MPP4: variants seen among roughly 807,000 people sequenced by gnomAD.
MPP4 encodes MAGUK p55 scaffold protein 4, also known as MAGUK p55 subfamily member 4.
In MPP4, 91 loss-of-function variants were observed where a neutral mutation model predicts 98.3. The observed-to-expected ratio is 0.93, with a 90% CI of 0.78 to 1.10. The LOEUF is 1.10. Ranked by LOEUF, MPP4 falls within the 50% of genes least tolerant of loss-of-function variation. The pLI, the probability that MPP4 is intolerant of heterozygous loss-of-function variation, is 0.00. For missense variants in MPP4, 744 were observed against 792.9 expected (o/e 0.94, Z 0.74); for synonymous variants, 261 against 271.8 (o/e 0.96, Z 0.39).
chr2:201,672,437 C>CA (rs1051074890), intron 11 of MPP4, among the ~76,000 whole-genome samples: 3 of 151,814 alleles, frequency 2.0e-5, no homozygotes, highest in African/African-American at 7.3e-5. Flanking sequence ...AAAAAACCTT[C>CA]AAAAAAATCA....
intron 13 of MPP4, chr2:201,665,792 C>A (rs1434419967): frequency 6.6e-6 from 1 of 152,150 alleles, no homozygotes; most frequent in African/African-American, 2.4e-5. Flanking sequence ...CTAACAAAAT[C>A]CTAGTGATTC....
chr2:201,663,324 A>AT (rs1310935975), intron 14 of MPP4, among the ~76,000 whole-genome samples: 5 of 152,258 alleles, frequency 3.3e-5, no homozygotes, highest in Non-Finnish European at 7.3e-5. Flanking sequence ...CAATAAAAAA[A>AT]TGCTCCCAAA....
At position 201,645,213 on chromosome 2, in the gene MPP4, T is replaced by C. The variant is rs1574591888; in HGVS notation, c.1911A>G (p.Gln637=). Residue 637 remains glutamine, a synonymous_variant, in exon 22 of 22, where the codon CAA becomes CAG. Coordinates refer to ENST00000409474, the MANE Select transcript of MPP4 (RefSeq NM_033066.3). ...ATWISSDTES[Q] is the part of the protein sequence containing the mutation. Reference sequence around the variant, plus strand: ...CTCCAGCATTAAACAAGAAGTCTCATTGAGACTCAGTATCTGAGGAAATCC... The same window carrying C: ...CTCCAGCATTAAACAAGAAGTCTCACTGAGACTCAGTATCTGAGGAAATCC... 4.3e-6 allele frequency: 7 copies of C among 1,611,038 alleles called. No individual in the cohort carries two copies. The highest frequency in any genetic ancestry group is 4.5e-5 in the East Asian group (2 of 44,836).
intron 10 of MPP4, among the ~76,000 whole-genome samples, chr2:201,677,242 CA>C (rs543695103): frequency 6.6e-6 from 1 of 152,292 alleles, no homozygotes; most frequent in East Asian, 1.9e-4. Context: ...TTCATTCTTA[CA>C]AAATGCTATC....
intron 18 of MPP4, 152 bp from the exon 19 acceptor site, chr2:201,650,317 G>A (rs1687681062): frequency 2.0e-6 from 2 of 985,280 alleles, no homozygotes; most frequent in South Asian, 9.4e-5. Flanking sequence ...GCCTGAATTG[G>A]TGATAAGTTC....
chr2:201,666,554 C>T (rs1174502448), intron 12 of MPP4, 182 bp from the exon 13 acceptor site: 2 of 475,488 alleles, frequency 4.2e-6, no homozygotes, highest in Non-Finnish European at 7.4e-6. Context: ...AACCATGTCT[C>T]TACCAAAAAA....
At chr2:201,686,489 G>A (rs1436217496) in intron 5 of MPP4, among the ~76,000 whole-genome samples, 1 of 152,172 alleles carries the variant, frequency 6.6e-6, no homozygotes, top group African/African-American at 2.4e-5. Context: ...ACACTCAAGG[G>A]CTCATGTGGT....
At chr2:201,664,276 T>C (rs1018733309) in intron 13 of MPP4, 175 bp from the exon 14 acceptor site, 9 of 1,477,690 alleles carry the variant, frequency 6.1e-6, no homozygotes, top group African/African-American at 4.2e-5. Context: ...ATATCAGCTT[T>C]ACATGAAACA....
intron 18 of MPP4, chr2:201,651,166 G>T (rs985721891): frequency 2.0e-6 from 2 of 985,298 alleles, no homozygotes; most frequent in African/African-American, 1.7e-5. Flanking sequence ...GGATGAAATA[G>T]ATCAACATCT....
chr2:201,697,205 C>T (rs1305135937), intron 1 of MPP4, among the ~76,000 whole-genome samples: 2 of 152,254 alleles, frequency 1.3e-5, no homozygotes, highest in African/African-American at 4.8e-5. Context: ...CAATCTTCAA[C>T]TTCCAGCCTC....
chr2:201,646,114 T>C (rs1409508116), intron 21 of MPP4, among the ~76,000 whole-genome samples: 1 of 152,222 alleles, frequency 6.6e-6, no homozygotes, highest in Non-Finnish European at 1.5e-5. Flanking sequence ...TAGTCATAGT[T>C]TGCAGACAGA....
chr2:201,686,135 C>A, intron 5 of MPP4, 85 bp from the exon 6 acceptor site: 1 of 1,485,720 alleles, frequency 6.7e-7, no homozygotes. Context: ...CTATCTAAGA[C>A]ACAGCAACAA....
At chr2:201,646,486 C>A (rs1412912906) in intron 21 of MPP4, among the ~76,000 whole-genome samples, 3 of 152,070 alleles carry the variant, frequency 2.0e-5, no homozygotes, top group African/African-American at 4.8e-5. Flanking sequence ...AATGCAGGCA[C>A]CAAAATCTTG....
chr2:201,647,508 TAC>T (rs1687596955), intron 21 of MPP4, among the ~76,000 whole-genome samples, 181 bp downstream of exon 21: 3 of 152,128 alleles, frequency 2.0e-5, no homozygotes, highest in Admixed American at 2.0e-4. Flanking sequence ...GTAGAAACAA[TAC>T]AGTTTTAATT....
At chr2:201,669,494 C>T (rs1049940349) in intron 12 of MPP4, among the ~76,000 whole-genome samples, 21 of 152,088 alleles carry the variant, frequency 1.4e-4, no homozygotes, top group Non-Finnish European at 2.8e-4. Context: ...TTCTTTATTC[C>T]TCTCAGTGTT....
At chr2:201,659,893 G>T (rs913462428) in intron 15 of MPP4, among the ~76,000 whole-genome samples, 1 of 151,976 alleles carries the variant, frequency 6.6e-6, no homozygotes, top group African/African-American at 2.4e-5. Flanking sequence ...ACTGACATAT[G>T]CAACCTTTTT....
intron 5 of MPP4, among the ~76,000 whole-genome samples, chr2:201,686,746 T>C (rs1208103293): frequency 6.6e-6 from 1 of 152,186 alleles, no homozygotes; most frequent in African/African-American, 2.4e-5. Context: ...ATTATAACTT[T>C]TGACTGATAA....
At chr2:201,691,877 C>T (rs1689039729) in intron 3 of MPP4, among the ~76,000 whole-genome samples, 1 of 152,298 alleles carries the variant, frequency 6.6e-6, no homozygotes, top group African/African-American at 2.4e-5. Context: ...AGATATTTTA[C>T]TTTCTAACTT....
intron 3 of MPP4, among the ~76,000 whole-genome samples, chr2:201,691,564 C>G (rs1221825961): frequency 6.6e-6 from 1 of 152,174 alleles, no homozygotes; most frequent in African/African-American, 2.4e-5. Flanking sequence ...GTCACACAGG[C>G]TGGAGTGCAG....
Sources: gnomAD v4.1 joint callset for allele counts (sites outside exome capture counted in the v4.1 genomes callset) on GRCh38, gnomAD v4.1.1 for gene constraint, MANE v1.5 for transcripts, NCBI Gene and HGNC (gene_info 2026-07-23, HGNC 2026-07-21) for gene names.